Variants in TBCD observed in about 807,000 individuals in gnomAD.
TBCD encodes the protein tubulin folding cofactor D.
Under a neutral mutation model 169.3 loss-of-function variants are expected in TBCD, and 105 were observed. The observed-to-expected ratio is 0.62, with a 90% CI of 0.53 to 0.73. The LOEUF is 0.73. Among genes scored for constraint, TBCD ranks in the 30% least tolerant of loss-of-function variants. TBCD has a pLI of 0.00. For missense variants in TBCD, 1,444 were observed against 1,600.1 expected (o/e 0.90, Z 1.66); for synonymous variants, 700 against 643.9 (o/e 1.09, Z -1.32).
Position 82,800,929 on chromosome 17 carries a change from A to C in TBCD, c.883A>C (p.Lys295Gln). 2 of 1,612,190 alleles carry C rather than the reference A, an allele frequency of 1.2e-6. No individual in the cohort carries two copies. Among genetic ancestry groups the C allele is most frequent in the South Asian group, 2.2e-5 (2 of 90,974 alleles). Residue 295 changes from lysine (K) to glutamine (Q), a missense_variant, in exon 9 of 39, where the codon AAG (lysine) becomes CAG (glutamine). Physicochemically the swap from Lys to Gln is moderately conservative, Grantham distance 53. Coordinates refer to ENST00000355528, the MANE Select transcript of TBCD (RefSeq NM_005993.5). ...TGAGAGCAACCAGACCCTGCTGCGG[A>C]AGCTGGGGGTGAAGCTTGTGCAGCG... ...LPESNQTLLR[K>Q]LGVKLVQRLG... is the part of the protein sequence containing the mutation.
At chr17:82,838,096 A>G (rs539834774) in intron 13 of TBCD, among the ~76,000 whole-genome samples, 2 of 152,374 alleles carry the variant, frequency 1.3e-5, no homozygotes, top group African/African-American at 2.4e-5. Flanking sequence ...TTCCTGCTCA[A>G]CGTGCACTGG....
chr17:82,903,447 C>T lies in TBCD; in HGVS notation c.1773C>T (p.Ala591=). ...ELAARALHNL[A]QQAPEFSATQ... ...CTGCGAGGGCGCTGCACAACCTGGCCCAGCAGGCACCCGAGTTCAGCGCCA... is the reference window on the plus strand; with the variant it reads ...CTGCGAGGGCGCTGCACAACCTGGCTCAGCAGGCACCCGAGTTCAGCGCCA... The change falls in exon 19 of 39, where the codon GCC becomes GCT. Residue 591 remains alanine, a synonymous_variant. Transcript: ENST00000355528. This position sits in a 1 kb window ranked among gnomAD's most constrained non-coding sequence, Gnocchi z 4.8. 3.7e-6 allele frequency: 6 copies of T among 1,602,226 alleles called. No individual in the cohort carries two copies. Among genetic ancestry groups the T allele is most frequent in the Middle Eastern group, 1.7e-4 (1 of 6,042 alleles).
rs946714121 is a variant in TBCD, at chr17:82,808,899, C to CAAGGCAGGTGGAGGGGAT, written c.1149-798_1149-781dup. Among the ~76,000 whole-genome samples, 21 of 136,136 alleles carry CAAGGCAGGTGGAGGGGAT rather than the reference C, an allele frequency of 1.5e-4. No homozygotes were observed. In the East Asian group the frequency reaches 4.7e-3, roughly 31 times the overall value. The allele number at this position is 136,136 out of a possible 152,430, so 89.3% of individuals were successfully genotyped here. ...AGGGTGGTCCCTGCTATGGAGGGGACAAGGCAGGTGGAGGGGATAAGGCAG... is the reference window on the plus strand; with the variant it reads ...AGGGTGGTCCCTGCTATGGAGGGGACAAGGCAGGTGGAGGGGATAAGGCAGGTGGAGGGGATAAGGCAG... On this transcript the variant is annotated intron_variant, in intron 11 of 38. Coordinates refer to ENST00000355528, the MANE Select transcript of TBCD (RefSeq NM_005993.5).
Position 82,782,334 on chromosome 17 carries a change from T to C in TBCD, c.771+613T>C, listed in dbSNP as rs539609299. On this transcript the variant is annotated intron_variant, in intron 7 of 38. Coordinates refer to ENST00000355528, the MANE Select transcript of TBCD (RefSeq NM_005993.5). The surrounding 1 kb of genome is among the most constrained non-coding windows in gnomAD (Gnocchi z 5.1). ...CAGCGTCCTGGAGGCTGCAGCTCCC[T>C]GGTCAGCCTTCTGGAGGGGGAGCCG... Among the ~76,000 whole-genome samples the C allele has an allele frequency of 3.9e-4, 59 of 152,318 alleles. No homozygotes were observed. The highest frequency in any genetic ancestry group is 1.3e-3 in the African/African-American group (53 of 41,582).
At chr17:82,841,254 T>C (rs927395200) in intron 13 of TBCD, among the ~76,000 whole-genome samples, 9 of 151,990 alleles carry the variant, frequency 5.9e-5, no homozygotes, top group Non-Finnish European at 8.8e-5. Flanking sequence ...TTTTTTTGTT[T>C]TTGTTATTTT....
At chr17:82,780,027 C>T (rs1387138127) in intron 6 of TBCD, among the ~76,000 whole-genome samples, 1 of 152,188 alleles carries the variant, frequency 6.6e-6, no homozygotes, top group Non-Finnish European at 1.5e-5. Context: ...GCTAGGATGC[C>T]AGTCAGACCT....
intron 13 of TBCD, chr17:82,859,521 G>T (rs2056592807): frequency 1.0e-6 from 1 of 984,232 alleles, no homozygotes; most frequent in Non-Finnish European, 1.2e-6. Flanking sequence ...GGCCTTGTGT[G>T]TCCTGTTGGG....
At chr17:82,867,342 T>C (rs1382903147) in intron 13 of TBCD, among the ~76,000 whole-genome samples, 1 of 152,156 alleles carries the variant, frequency 6.6e-6, no homozygotes, top group Non-Finnish European at 1.5e-5. Context: ...GATGAATAAA[T>C]TGGGACTCAG....
At chr17:82,839,558 C>CCA (rs748239550) in intron 13 of TBCD, among the ~76,000 whole-genome samples, 2 of 152,150 alleles carry the variant, frequency 1.3e-5, no homozygotes, top group African/African-American at 2.4e-5. Context: ...TGTACATACA[C>CCA]CACACATATA....
intron 1 of TBCD, among the ~76,000 whole-genome samples, chr17:82,755,083 G>A (rs1176727040): frequency 3.3e-5 from 5 of 152,226 alleles, no homozygotes; most frequent in African/African-American, 1.2e-4. Context: ...CATTGGTCTC[G>A]TCAGGGAAGG....
At chr17:82,863,710 T>C (rs1324681688) in intron 13 of TBCD, among the ~76,000 whole-genome samples, 1 of 152,148 alleles carries the variant, frequency 6.6e-6, no homozygotes, top group African/African-American at 2.4e-5. Flanking sequence ...GGTCTCAGAC[T>C]GTAAGCCTCC....
chr17:82,882,408 G>A (rs75560476), intron 14 of TBCD, among the ~76,000 whole-genome samples: 89 of 152,318 alleles, frequency 5.8e-4, no homozygotes, highest in African/African-American at 2.0e-3. Flanking sequence ...GCGGGCACCT[G>A]TGCCCAGCAC....
intron 5 of TBCD, among the ~76,000 whole-genome samples, chr17:82,769,109 G>A (rs1057251743): frequency 3.9e-5 from 6 of 152,132 alleles, no homozygotes; most frequent in Non-Finnish European, 8.8e-5. Flanking sequence ...TTATCCTCTT[G>A]TAGTTTCTGT....
chr17:82,870,569 G>A (rs1379366483), intron 14 of TBCD, among the ~76,000 whole-genome samples, 189 bp downstream of exon 14: 2 of 152,252 alleles, frequency 1.3e-5, no homozygotes, highest in Non-Finnish European at 2.9e-5. Flanking sequence ...CAGAGCAGAA[G>A]TGTGTGGAGG....
chr17:82,927,384 C>G, intron 29 of TBCD, 61 bp downstream of exon 29: 1 of 1,558,534 alleles, frequency 6.4e-7, no homozygotes, highest in Non-Finnish European at 8.7e-7. Flanking sequence ...CGTGGAAACT[C>G]GGAGGCCCCG....
intron 5 of TBCD, among the ~76,000 whole-genome samples, chr17:82,770,352 C>T (rs2048241316): frequency 6.6e-6 from 1 of 152,180 alleles, no homozygotes; most frequent in Non-Finnish European, 1.5e-5. Flanking sequence ...GTAATCCCAG[C>T]ACTCTGGGAG....
rs199590262 is a variant in TBCD at position 82,774,886 on chromosome 17, TTC to T, written c.638+2381_638+2382del. ...CTGGAGAGGCTGAACAAGTTGGAAG[TTC>T]TTTCCCCGTCTTTTCCAGTTGGGTC... is the stretch of plus-strand genomic sequence containing the variant. On this transcript the variant is annotated intron_variant, in intron 6 of 38. Transcript: ENST00000355528. Among the ~76,000 whole-genome samples the T allele has an allele frequency of 6.3e-3, 958 of 152,374 alleles. 9 individuals carry two copies. The highest frequency in any genetic ancestry group is 0.022 in the African/African-American group (910 of 41,588).
intron 14 of TBCD, among the ~76,000 whole-genome samples, chr17:82,871,334 A>C (rs895202085): frequency 6.6e-6 from 1 of 152,258 alleles, no homozygotes; most frequent in African/African-American, 2.4e-5. Flanking sequence ...GTGCTGAAGA[A>C]GGCAGGTGCT....
At chr17:82,863,683 A>T (rs191487125) in intron 13 of TBCD, among the ~76,000 whole-genome samples, 450 of 152,202 alleles carry the variant, frequency 3.0e-3, no homozygotes, top group Middle Eastern at 0.01. Flanking sequence ...CCCCTGGAGG[A>T]ACTGGGCGCC....
Sources: allele counts gnomAD v4.1 joint callset (sites outside exome capture counted in the v4.1 genomes callset), GRCh38; gene constraint gnomAD v4.1.1; non-coding constraint Gnocchi (gnomAD v3.1); transcripts MANE v1.5; gene names NCBI Gene and HGNC (gene_info 2026-07-23, HGNC 2026-07-21).